Variants in CACNA2D3 observed in about 807,000 individuals in gnomAD.
CACNA2D3 encodes the protein voltage-dependent calcium channel subunit alpha-2/delta-3.
A neutral mutation model predicts 160.6 loss-of-function variants in CACNA2D3; 60 were observed. The observed-to-expected ratio is 0.37, with a 90% CI of 0.30 to 0.46. The LOEUF is 0.46. Ranked by LOEUF, CACNA2D3 falls within the 20% of genes least tolerant of loss-of-function variation. The pLI, the probability that CACNA2D3 is intolerant of heterozygous loss-of-function variation, is 1.00. For synonymous variants in CACNA2D3, 558 were observed against 492.9 expected, an observed-to-expected ratio of 1.13 and a Z score of -1.75; for missense variants, 1,205 against 1,365.0, an observed-to-expected ratio of 0.88 and a Z score of 1.85.
chr3:54,606,286 G>A (rs986133174), intron 9 of CACNA2D3, among the ~76,000 whole-genome samples: 2 of 152,012 alleles, frequency 1.3e-5, no homozygotes, highest in Non-Finnish European at 2.9e-5. Context: ...ACTATAAGAA[G>A]GTTGGAATAG....
intron 4 of CACNA2D3, among the ~76,000 whole-genome samples, chr3:54,422,212 CATG>C (rs1434718128): frequency 1.3e-5 from 2 of 152,206 alleles, no homozygotes; most frequent in African/African-American, 4.8e-5. Context: ...CTTCACCCCT[CATG>C]GTGGTTTCCA....
At chr3:54,733,308 TC>T (rs1701426810) in intron 11 of CACNA2D3, among the ~76,000 whole-genome samples, 1 of 152,208 alleles carries the variant, frequency 6.6e-6, no homozygotes, top group East Asian at 1.9e-4. Context: ...TTTCAGTTTT[TC>T]CTTGTGCCAA....
intron 4 of CACNA2D3, among the ~76,000 whole-genome samples, chr3:54,418,308 G>C (rs1263083842): frequency 6.6e-6 from 1 of 152,130 alleles, no homozygotes; most frequent in Non-Finnish European, 1.5e-5. Flanking sequence ...AGAAGTTTCA[G>C]TTTCACCATG....
At chr3:55,055,736 A>AGTT (rs1180169445) in intron 35 of CACNA2D3, among the ~76,000 whole-genome samples, 1 of 152,094 alleles carries the variant, frequency 6.6e-6, no homozygotes, top group Non-Finnish European at 1.5e-5. Context: ...AATGTTTAAT[A>AGTT]GTTTTAAGTG....
intron 14 of CACNA2D3, among the ~76,000 whole-genome samples, chr3:54,822,769 TCTTTCTTTCTTTCTTTCTTTC>T (rs1703644059): frequency 2.2e-5 from 2 of 90,138 alleles, no homozygotes; most frequent in Admixed American, 1.3e-4. Flanking sequence ...TTTCTTTCTT[TCTTTCTTTCTTTCTTTCTTTC>T]CTTTCTTTCT....
chr3:54,706,539 G>T (rs534448989), intron 11 of CACNA2D3, among the ~76,000 whole-genome samples: 12 of 152,246 alleles, frequency 7.9e-5, no homozygotes, highest in African/African-American at 2.9e-4. Flanking sequence ...TCAGGCTTTG[G>T]TGCTTGGACT....
At chr3:54,567,912 G>A (rs1458380834) in intron 6 of CACNA2D3, among the ~76,000 whole-genome samples, 4 of 152,212 alleles carry the variant, frequency 2.6e-5, no homozygotes, top group African/African-American at 9.6e-5. Context: ...AGGAATGGAC[G>A]AAGATGCCCT....
intron 2 of CACNA2D3, among the ~76,000 whole-genome samples, chr3:54,252,624 G>GCC (rs2107426520): frequency 6.6e-6 from 1 of 152,294 alleles, no homozygotes; most frequent in African/African-American, 2.4e-5. Context: ...CAGGCTGCCT[G>GCC]CCCTGGCACA....
chr3:54,626,999 C>T (rs1351771341), intron 9 of CACNA2D3, among the ~76,000 whole-genome samples: 1 of 152,200 alleles, frequency 6.6e-6, no homozygotes, highest in African/African-American at 2.4e-5. Flanking sequence ...GGAAGAGCCT[C>T]ACTCCCATTC....
At chr3:54,928,642 C>T (rs1023977637) in intron 27 of CACNA2D3, among the ~76,000 whole-genome samples, 14 of 152,168 alleles carry the variant, frequency 9.2e-5, no homozygotes, top group African/African-American at 3.4e-4. Flanking sequence ...CACAACCTTC[C>T]TTCTGGTGCC....
At chr3:54,748,134 G>T (rs944502197) in intron 11 of CACNA2D3, among the ~76,000 whole-genome samples, 1 of 152,250 alleles carries the variant, frequency 6.6e-6, no homozygotes, top group South Asian at 2.1e-4. Context: ...AGAAACACAA[G>T]CTTTCTTCAT....
chr3:54,826,549 C>A (rs1575498259), intron 14 of CACNA2D3, among the ~76,000 whole-genome samples: 1 of 152,140 alleles, frequency 6.6e-6, no homozygotes, highest in Non-Finnish European at 1.5e-5. Context: ...ATCATGAGCC[C>A]TGTGTGCTTG....
intron 4 of CACNA2D3, among the ~76,000 whole-genome samples, chr3:54,399,848 A>T (rs1699415027): frequency 8.0e-6 from 1 of 124,594 alleles, no homozygotes; most frequent in Non-Finnish European, 1.7e-5. Context: ...GGCTCCACCC[A>T]GTTCGAGCTT....
In CACNA2D3 at chr3:54,888,031, G is replaced by A. The variant is rs1426886939; in HGVS notation, c.2129G>A (p.Ser710Asn). 1.2e-6 allele frequency: 2 copies of A among 1,613,734 alleles called. No homozygotes were observed. Among genetic ancestry groups the A allele is most frequent in the East Asian group, 2.2e-5 (1 of 44,890 alleles). Residue 710 changes from serine to asparagine, a missense_variant, in exon 24 of 38, where the codon AGC becomes AAC. This residue lies in a region of CACNA2D3 where 911 missense variants were observed against 1,002.2 expected (regional missense o/e 0.91). Coordinates refer to ENST00000474759, the MANE Select transcript of CACNA2D3 (RefSeq NM_018398.3). ...VSAPIEAYWTSLALNKSENSD... is the reference protein window; with the variant it reads ...VSAPIEAYWTNLALNKSENSD... ...GCCCCCATTGAAGCGTATTGGACCA[G>A]CCTGGCCCTCAACAAATCTGAGTAA...
Position 54,381,647 on chromosome 3 carries a change from CTG to C in CACNA2D3, c.322-5065_322-5064del, listed in dbSNP as rs1410892942. On this transcript the variant is annotated intron_variant, in intron 3 of 37. Transcript: ENST00000474759. The stretch of plus-strand genomic sequence containing the variant: ...AGTGTCGCGGGGAGGAAACGGGACA[CTG>C]TGCATTCTGTAATGTTGTGCGGATA... 3.3e-5 allele frequency among the ~76,000 whole-genome samples: 5 copies of C among 152,298 alleles called. No individual in the cohort carries two copies. The South Asian group carries it at 8.3e-4, about 25-fold the overall frequency.
intron 3 of CACNA2D3, among the ~76,000 whole-genome samples, chr3:54,355,544 C>G (rs1698634229): frequency 6.6e-6 from 1 of 152,062 alleles, no homozygotes; most frequent in Non-Finnish European, 1.5e-5. Flanking sequence ...CATGTGTTGG[C>G]CATGGGGGAG....
At chr3:54,293,963 T>C (rs1295685134) in intron 2 of CACNA2D3, among the ~76,000 whole-genome samples, 1 of 151,828 alleles carries the variant, frequency 6.6e-6, no homozygotes, top group Admixed American at 6.6e-5. Flanking sequence ...TGCTTGGGGG[T>C]AGTGGAAGGC....
At chr3:54,420,914 T>C (rs370662086) in intron 4 of CACNA2D3, among the ~76,000 whole-genome samples, 1 of 152,132 alleles carries the variant, frequency 6.6e-6, no homozygotes. Flanking sequence ...TAGTGTGGAG[T>C]GATGGGAAGT....
At chr3:54,850,829 G>A (rs1364250534) in intron 17 of CACNA2D3, among the ~76,000 whole-genome samples, 1 of 152,240 alleles carries the variant, frequency 6.6e-6, no homozygotes, top group African/African-American at 2.4e-5. Context: ...GAGGAAGGAT[G>A]CTGTAGGGTT....
Sources: allele counts gnomAD v4.1 joint callset (sites outside exome capture counted in the v4.1 genomes callset), GRCh38; gene constraint gnomAD v4.1.1; regional missense constraint gnomAD v4.1.1; transcripts MANE v1.5; gene names NCBI Gene and HGNC (gene_info 2026-07-23, HGNC 2026-07-21).